SLC39A11: variants seen among roughly 807,000 people sequenced by gnomAD.
The protein encoded by SLC39A11 is solute carrier family 39 member 11, also known as zinc transporter ZIP11.
SLC39A11 carries 33 observed loss-of-function variants against 36.1 expected under a neutral mutation model. That is an observed-to-expected ratio of 0.91 (90% CI 0.69 to 1.22). The LOEUF is 1.22. Ranked by LOEUF, SLC39A11 falls within the 50% of genes most tolerant of loss-of-function variation. SLC39A11 has a pLI of 0.00. For synonymous variants in SLC39A11, 166 were observed against 170.3 expected, an observed-to-expected ratio of 0.97 and a Z score of 0.20; for missense variants, 432 against 430.3, an observed-to-expected ratio of 1.00 and a Z score of -0.03.
intron 6 of SLC39A11, among the ~76,000 whole-genome samples, chr17:72,793,337 G>T (rs1405965541): frequency 6.6e-6 from 1 of 152,112 alleles, no homozygotes; most frequent in Non-Finnish European, 1.5e-5. Flanking sequence ...TTAAGTCCTA[G>T]AGCTGAGAAA....
At chr17:73,072,029 T>A (rs1295276957) in intron 3 of SLC39A11, among the ~76,000 whole-genome samples, 1 of 152,190 alleles carries the variant, frequency 6.6e-6, no homozygotes, top group Non-Finnish European at 1.5e-5. Flanking sequence ...CTATTAAACA[T>A]CTACCTTTTC....
intron 3 of SLC39A11, among the ~76,000 whole-genome samples, chr17:73,037,654 G>A (rs1245902102): frequency 1.3e-5 from 2 of 152,234 alleles, no homozygotes; most frequent in Non-Finnish European, 2.9e-5. Flanking sequence ...ACCGTAAGGA[G>A]CTGATGGTTG....
intron 5 of SLC39A11, among the ~76,000 whole-genome samples, chr17:72,872,809 C>A (rs1359626616): frequency 6.6e-6 from 1 of 152,084 alleles, no homozygotes; most frequent in Non-Finnish European, 1.5e-5. Context: ...GTAATCCCAG[C>A]ACTTTGGGAG....
rs1329760648 is a variant in SLC39A11, at chr17:72,750,289, A to C, written c.602-13570T>G. On this transcript the variant is annotated intron_variant, in intron 6 of 9. Coordinates refer to ENST00000255559, the MANE Select transcript of SLC39A11 (RefSeq NM_139177.4). Reference sequence around the variant, plus strand: ...CAGGTTGGACCCGATTGCCTTGTCAAAGGGAAAGGCAGCCTAGGGCCAGAT... The same window carrying C: ...CAGGTTGGACCCGATTGCCTTGTCACAGGGAAAGGCAGCCTAGGGCCAGAT... 2.6e-5 allele frequency among the ~76,000 whole-genome samples: 4 copies of C among 152,168 alleles called. No homozygotes were observed. The East Asian group carries it at 7.8e-4, about 30-fold the overall frequency.
At chr17:72,950,735 G>A (rs1598554327) in intron 4 of SLC39A11, among the ~76,000 whole-genome samples, 3 of 152,326 alleles carry the variant, frequency 2.0e-5, no homozygotes, top group Admixed American at 2.0e-4. Context: ...CTGCAACTGT[G>A]TATTTGATTG....
intron 1 of SLC39A11, among the ~76,000 whole-genome samples, chr17:73,090,028 T>A (rs976072331): frequency 6.6e-6 from 1 of 152,092 alleles, no homozygotes; most frequent in Non-Finnish European, 1.5e-5. Flanking sequence ...CTCATTCATC[T>A]CCCTGATGGT....
chr17:73,084,969 G>C, intron 2 of SLC39A11, 123 bp from the exon 3 acceptor site: 1 of 967,084 alleles, frequency 1.0e-6, no homozygotes, highest in East Asian at 2.5e-5. Flanking sequence ...TCCTGAGCTC[G>C]TGAGCTACTC....
chr17:72,738,414 G>A (rs530409805), intron 6 of SLC39A11, among the ~76,000 whole-genome samples: 3 of 152,292 alleles, frequency 2.0e-5, no homozygotes, highest in African/African-American at 4.8e-5. Context: ...GGCTGGAGTC[G>A]AGTGTGCAGC....
intron 4 of SLC39A11, among the ~76,000 whole-genome samples, chr17:72,963,689 A>G (rs2086784637): frequency 6.6e-6 from 1 of 152,202 alleles, no homozygotes; most frequent in Admixed American, 6.5e-5. Context: ...CCAAACTCAT[A>G]GGAGGAATCC....
chr17:72,932,465 C>T lies in SLC39A11; in HGVS notation c.430+15287G>A, dbSNP rs548879939. ...CCTACCCCCCACCCCCCACAGGCCC[C>T]GGTGTGTGATGTTCCCCTCCCTGTT... On this transcript the variant is annotated intron_variant, in intron 5 of 9. Transcript: ENST00000255559. Among the ~76,000 whole-genome samples the T allele has an allele frequency of 2.5e-3, 377 of 150,194 alleles. 1 individual carries two copies. The highest frequency in any genetic ancestry group is 6.8e-3 in the Middle Eastern group (2 of 294).
chr17:72,867,891 G>A (rs1406105371), intron 5 of SLC39A11, among the ~76,000 whole-genome samples: 1 of 152,042 alleles, frequency 6.6e-6, no homozygotes, highest in East Asian at 1.9e-4. Flanking sequence ...TAGTGCCTTG[G>A]GATCCTACAT....
intron 5 of SLC39A11, among the ~76,000 whole-genome samples, chr17:72,852,206 A>AAAAG (rs2146046704): frequency 2.4e-5 from 1 of 42,076 alleles, no homozygotes; most frequent in East Asian, 1.4e-3. Context: ...CTCCGTCTCA[A>AAAAG]AAAAAAAAAA....
intron 6 of SLC39A11, among the ~76,000 whole-genome samples, chr17:72,849,256 C>T (rs1032328272): frequency 1.3e-5 from 2 of 152,114 alleles, no homozygotes; most frequent in Admixed American, 1.3e-4. Flanking sequence ...TAGTTCAGAT[C>T]TGTGTTGTTC....
intron 6 of SLC39A11, chr17:72,837,913 G>T: frequency 8.2e-7 from 1 of 1,217,928 alleles, no homozygotes; most frequent in Non-Finnish European, 1.0e-6. Context: ...CTGCTAATAA[G>T]CATGCAGTTT....
chr17:72,994,315 A>C (rs2089366888), intron 4 of SLC39A11, among the ~76,000 whole-genome samples: 1 of 152,234 alleles, frequency 6.6e-6, no homozygotes, highest in East Asian at 1.9e-4. Flanking sequence ...AAGAAGCAAA[A>C]TACACAACTA....
At chr17:72,740,427 A>G (rs2074641397) in intron 6 of SLC39A11, among the ~76,000 whole-genome samples, 1 of 152,150 alleles carries the variant, frequency 6.6e-6, no homozygotes, top group South Asian at 2.1e-4. Flanking sequence ...GCCGTACTGT[A>G]TTTATCAAGA....
chr17:73,072,529 G>A (rs965959378), intron 3 of SLC39A11: 1 of 152,156 alleles, frequency 6.6e-6, no homozygotes, highest in African/African-American at 2.4e-5. Flanking sequence ...TGTGGATAAT[G>A]ACATTGGAAA....
rs959122288 is a variant in SLC39A11 at position 72,828,354 on chromosome 17, G to T, written c.601+21280C>A. The stretch of plus-strand genomic sequence containing the variant: ...TGCAATGCAAGAAAGATTCAACTGG[G>T]CATTGCAGGGGAAAAGGGGACCATG... On this transcript the variant is annotated intron_variant, in intron 6 of 9. Transcript: ENST00000255559. Among the ~76,000 whole-genome samples the T allele has an allele frequency of 2.6e-5, 4 of 152,322 alleles. No individual in the cohort carries two copies. In the South Asian group the frequency reaches 8.3e-4, roughly 32 times the overall value.
chr17:72,940,180 G>A (rs1006214585), intron 5 of SLC39A11, among the ~76,000 whole-genome samples: 1 of 152,198 alleles, frequency 6.6e-6, no homozygotes, highest in African/African-American at 2.4e-5. Flanking sequence ...GACAGTGGAA[G>A]CGGTCATCCC....
Sources: allele counts gnomAD v4.1 joint callset (sites outside exome capture counted in the v4.1 genomes callset), GRCh38; gene constraint gnomAD v4.1.1; transcripts MANE v1.5; gene names NCBI Gene and HGNC (gene_info 2026-07-23, HGNC 2026-07-21).